The following MCF2L variants were observed in gnomAD, a reference collection of about 807,000 sequenced individuals.
MCF2L encodes guanine nucleotide exchange factor DBS.
MCF2L carries 97 observed loss-of-function variants against 153.4 expected under a neutral mutation model. The ratio of observed to expected loss-of-function variants is 0.63; its 90% CI spans 0.54 to 0.75. The LOEUF (loss-of-function observed/expected upper bound fraction) is 0.75, where lower values mean the gene tolerates loss of function less well. Among genes scored for constraint, MCF2L ranks in the 30% least tolerant of loss-of-function variants. MCF2L has a pLI of 0.00. For synonymous variants in MCF2L, 659 were observed against 632.2 expected (o/e 1.04, Z -0.64); for missense variants, 1,347 against 1,495.2 (o/e 0.90, Z 1.64).
chr13:113,076,662 G>A (rs2033510725), intron 12 of MCF2L, among the ~76,000 whole-genome samples: 1 of 152,224 alleles, frequency 6.6e-6, no homozygotes, highest in Non-Finnish European at 1.5e-5. Flanking sequence ...TTATTTCCAC[G>A]CCAACCCTGC....
At chr13:113,079,159 T>G (rs1310594633) in intron 15 of MCF2L, among the ~76,000 whole-genome samples, 1 of 152,146 alleles carries the variant, frequency 6.6e-6, no homozygotes, top group African/African-American at 2.4e-5. Context: ...GCAGCTGGTG[T>G]GTGGGAGGGC....
At chr13:112,959,521 G>C (rs370817374) in intron 2 of MCF2L, among the ~76,000 whole-genome samples, 1 of 152,120 alleles carries the variant, frequency 6.6e-6, no homozygotes, top group African/African-American at 2.4e-5. Flanking sequence ...GGTCATCCTG[G>C]GGGGAGAACT....
rs575651665 is a variant in MCF2L, at chr13:112,995,148, C to T, written c.80-19615C>T. ...GCTGTTTGGTGGCACTCCGCTGTGT[C>T]GAGGCACTGTGCCCGTGCCCCGGGC... is the stretch of plus-strand genomic sequence containing the variant. On this transcript the variant is annotated intron_variant, in intron 1 of 29. Transcript: ENST00000535094. Among the ~76,000 whole-genome samples, 17 of 152,328 alleles carry T rather than the reference C, an allele frequency of 1.1e-4. No homozygotes were observed. In the East Asian group the frequency reaches 3.1e-3, roughly 28 times the overall value.
chr13:112,942,422 C>T (rs1253841748), intron 2 of MCF2L, among the ~76,000 whole-genome samples: 1 of 152,164 alleles, frequency 6.6e-6, no homozygotes, highest in Non-Finnish European at 1.5e-5. Flanking sequence ...GTCCCTTTGT[C>T]TTGTATCCAA....
Position 113,066,048 on chromosome 13 carries a change from G to A in MCF2L, c.759G>A (p.Glu253=), listed in dbSNP as rs375414039. Residue 253 remains glutamate, a splice_region_variant and synonymous_variant, in exon 8 of 30, where the codon GAG becomes GAA. Transcript: ENST00000535094. ...ATGAGGCTGCATTCTCTCCACAGGA[G>A]GATTTGAGGCTGGCACTGAAAGAGG... ...AHTEKKDKAK[E]DLRLALKEGH... is the part of the protein sequence containing the mutation. The A allele has an allele frequency of 1.2e-5, 20 of 1,612,896 alleles. No individual in the cohort carries two copies. In the African/African-American group the frequency reaches 2.5e-4, roughly 20 times the overall value.
intron 2 of MCF2L, among the ~76,000 whole-genome samples, chr13:112,954,418 CG>C (rs2081732870): frequency 1.3e-5 from 2 of 152,188 alleles, no homozygotes; most frequent in Admixed American, 6.5e-5. Context: ...TGCATCCTGA[CG>C]TGCTGTTGAT....
intron 4 of MCF2L, among the ~76,000 whole-genome samples, chr13:113,047,634 G>C (rs540405127): frequency 6.6e-6 from 1 of 152,352 alleles, no homozygotes; most frequent in South Asian, 2.1e-4. Flanking sequence ...TGTAGGAGTC[G>C]GCCTCCCTGC....
chr13:113,040,412 C>CTGTGTGTGTGTGTGTG (rs6145252), intron 3 of MCF2L: 49,678 of 140,022 alleles, frequency 0.35, 9,951 homozygotes, highest in Non-Finnish European at 0.45. Context: ...GAGGGCCTTC[C>CTGTGTGTGTGTGTGTG]TGTGTGTGTG....
intron 2 of MCF2L, among the ~76,000 whole-genome samples, chr13:112,962,072 CAA>C (rs200811079): frequency 9.3e-5 from 2 of 21,538 alleles, no homozygotes; most frequent in Non-Finnish European, 1.5e-4. Flanking sequence ...CATGCACACA[CAA>C]ACACGCTCAC....
chr13:113,010,123 C>T (rs1358140445), intron 1 of MCF2L: 1 of 150,196 alleles, frequency 6.7e-6, no homozygotes, highest in African/African-American at 2.5e-5. Context: ...ATACCCCCCC[C>T]ACCCGCACCA....
chr13:113,075,934 G>A (rs772730088), intron 11 of MCF2L, 32 bp from the exon 12 acceptor site: 45 of 1,560,382 alleles, frequency 2.9e-5, no homozygotes, highest in African/African-American at 5.5e-5. Context: ...CTCTCACGGC[G>A]TCCTGCCCTC....
At chr13:113,033,086 GTGGCATGAGTGGCTGCCA>G in intron 3 of MCF2L, among the ~76,000 whole-genome samples, 1 of 120,438 alleles carries the variant, frequency 8.3e-6, no homozygotes, top group African/African-American at 3.1e-5. Context: ...AGTGGACCCC[GTGGCATGAGTGGCTGCCA>G]TGACGTGAGT....
Position 113,033,197 on chromosome 13 carries a change from ACG to A in MCF2L, c.278+8440_278+8441del, listed in dbSNP as rs1566772403. Among the ~76,000 whole-genome samples the A allele has an allele frequency of 4.4e-3, 434 of 97,712 alleles. 11 individuals are homozygous for A. The highest frequency in any genetic ancestry group is 7.7e-3 in the East Asian group (19 of 2,480). The allele number at this position is 97,712 out of a possible 152,430, so 64.1% of individuals were successfully genotyped here. A position where few individuals can be genotyped will look rare whatever the true frequency, so the allele number is the denominator to read the frequency against. ...CCCCATGACGTGAGTGGACCCCGTG[ACG>A]TGAGTGGCCCCCGTGACATGAGTGG... is the stretch of plus-strand genomic sequence containing the variant. On this transcript the variant is annotated intron_variant, in intron 3 of 29. Transcript: ENST00000535094.
At chr13:112,989,591 G>A (rs1471606005) in intron 1 of MCF2L, among the ~76,000 whole-genome samples, 1 of 19,988 alleles carries the variant, frequency 5.0e-5, no homozygotes, top group African/African-American at 1.1e-4. Flanking sequence ...TACCACGCCC[G>A]AGTCCTCCCT....
chr13:112,934,398 A>G (rs1254699117), intron 2 of MCF2L, among the ~76,000 whole-genome samples: 1 of 152,214 alleles, frequency 6.6e-6, no homozygotes, highest in East Asian at 1.9e-4. Context: ...ACGGGGCCAG[A>G]GAAGGGGCCA....
chr13:112,896,742 A>G (rs765376449), intron 1 of MCF2L, among the ~76,000 whole-genome samples: 1 of 152,204 alleles, frequency 6.6e-6, no homozygotes, highest in Non-Finnish European at 1.5e-5. Context: ...ATGGCTCCCA[A>G]GGACGCTGTG....
At chr13:112,987,871 C>A (rs2082714307) in intron 1 of MCF2L, among the ~76,000 whole-genome samples, 1 of 152,228 alleles carries the variant, frequency 6.6e-6, no homozygotes, top group African/African-American at 2.4e-5. Flanking sequence ...TGAGAAATGA[C>A]CAGAACTGAC....
intron 3 of MCF2L, among the ~76,000 whole-genome samples, chr13:113,041,399 G>T (rs576651021): frequency 4.6e-5 from 7 of 152,190 alleles, no homozygotes; most frequent in African/African-American, 1.7e-4. Context: ...GCCGTGGGGG[G>T]GCGGGGAATC....
chr13:112,980,399 G>T (rs999661894), intron 1 of MCF2L, among the ~76,000 whole-genome samples: 7 of 152,246 alleles, frequency 4.6e-5, no homozygotes, highest in African/African-American at 1.7e-4. Context: ...GCTGTGGAAC[G>T]TGGGGCAGAA....
Sources: gnomAD v4.1 joint callset for allele counts (sites outside exome capture counted in the v4.1 genomes callset) on GRCh38, gnomAD v4.1.1 for gene constraint, MANE v1.5 for transcripts, NCBI Gene and HGNC (gene_info 2026-07-23, HGNC 2026-07-21) for gene names.